KCNAB1: variants seen among roughly 807,000 people sequenced by gnomAD.
KCNAB1 encodes the protein voltage-gated potassium channel subunit beta-1.
A neutral mutation model predicts 64.6 loss-of-function variants in KCNAB1; 35 were observed. That is an observed-to-expected ratio of 0.54 (90% CI 0.41 to 0.72). KCNAB1 has a LOEUF of 0.72. KCNAB1 is among the 30% of genes least tolerant of loss of function. KCNAB1 has a pLI of 0.00. For missense variants in KCNAB1, 401 were observed against 512.9 expected (o/e 0.78, Z 2.11); for synonymous variants, 177 against 183.8 (o/e 0.96, Z 0.30).
At chr3:156,342,450 TTAGTCA>T in intron 1 of KCNAB1, among the ~76,000 whole-genome samples, 1 of 152,130 alleles carries the variant, frequency 6.6e-6, no homozygotes, top group African/African-American at 2.4e-5. Context: ...CAATACAAAG[TTAGTCA>T]GCCTGGCCAG....
chr3:156,360,081 T>C (rs1354215665), intron 1 of KCNAB1, among the ~76,000 whole-genome samples: 1 of 152,260 alleles, frequency 6.6e-6, no homozygotes, highest in African/African-American at 2.4e-5. Flanking sequence ...TCGGTTACTA[T>C]TCATTTCAAA....
At chr3:156,317,090 T>G (rs1722324188) in intron 1 of KCNAB1, among the ~76,000 whole-genome samples, 1 of 152,182 alleles carries the variant, frequency 6.6e-6, no homozygotes, top group Non-Finnish European at 1.5e-5. Flanking sequence ...TTTGGTGGTG[T>G]TTTTCAGTTT....
Position 156,287,746 on chromosome 3 carries a change from G to A in KCNAB1, c.276-133870G>A, listed in dbSNP as rs149001029. Among the ~76,000 whole-genome samples, 854 of 151,940 alleles carry A rather than the reference G, an allele frequency of 5.6e-3. 4 individuals carry two copies. In the Middle Eastern group the frequency reaches 0.058, roughly 10 times the overall value. ...GCAGGAGAATTGCCTGAACCCAGGA[G>A]GCAGAGGTTGCAGTGAGCCAACAGC... is the stretch of plus-strand genomic sequence containing the variant. On this transcript the variant is annotated intron_variant, in intron 1 of 13. Coordinates refer to ENST00000490337, the MANE Select transcript of KCNAB1 (RefSeq NM_172160.3).
chr3:156,482,329 T>G (rs941554039), intron 8 of KCNAB1, among the ~76,000 whole-genome samples: 33 of 152,068 alleles, frequency 2.2e-4, no homozygotes, highest in Admixed American at 2.1e-3. Context: ...TACTTACTAT[T>G]TAAGCACTGT....
intron 1 of KCNAB1, among the ~76,000 whole-genome samples, chr3:156,384,111 T>C (rs2108153876): frequency 6.6e-6 from 1 of 152,380 alleles, no homozygotes; most frequent in Non-Finnish European, 1.5e-5. Context: ...AAGGGTTGTA[T>C]AAAATTAGGC....
At chr3:156,329,971 A>T (rs1424138354) in intron 1 of KCNAB1, among the ~76,000 whole-genome samples, 4 of 152,228 alleles carry the variant, frequency 2.6e-5, no homozygotes, top group Non-Finnish European at 5.9e-5. Context: ...AGAGAAAGGA[A>T]TTCTGAATGA....
At chr3:156,138,080 T>C (rs1714474027) in intron 1 of KCNAB1, among the ~76,000 whole-genome samples, 1 of 152,238 alleles carries the variant, frequency 6.6e-6, no homozygotes, top group Non-Finnish European at 1.5e-5. Flanking sequence ...CAATGTTTTA[T>C]GCATTGTGTT....
At chr3:156,279,099 G>T (rs816548) in intron 1 of KCNAB1, among the ~76,000 whole-genome samples, 3 of 150,808 alleles carry the variant, frequency 2.0e-5, no homozygotes, top group Non-Finnish European at 3.0e-5. Flanking sequence ...TATATCTCCC[G>T]ATGCTATCCC....
intron 1 of KCNAB1, among the ~76,000 whole-genome samples, chr3:156,401,266 G>A (rs943349893): frequency 2.0e-5 from 3 of 152,104 alleles, no homozygotes; most frequent in Non-Finnish European, 4.4e-5. Flanking sequence ...CACATATATT[G>A]GGCCCTTTAT....
At chr3:156,249,728 CT>C (rs1198569334) in intron 1 of KCNAB1, among the ~76,000 whole-genome samples, 2 of 152,076 alleles carry the variant, frequency 1.3e-5, no homozygotes, top group African/African-American at 4.8e-5. Flanking sequence ...TCTATAAGAC[CT>C]TATACAATCT....
At chr3:156,264,761 A>C (rs948361409) in intron 1 of KCNAB1, among the ~76,000 whole-genome samples, 2 of 152,178 alleles carry the variant, frequency 1.3e-5, no homozygotes, top group African/African-American at 4.8e-5. Context: ...TTATTTATTC[A>C]TGCAATGGTA....
intron 1 of KCNAB1, among the ~76,000 whole-genome samples, chr3:156,279,658 T>C (rs890983624): frequency 1.3e-5 from 2 of 152,200 alleles, no homozygotes; most frequent in Non-Finnish European, 2.9e-5. Context: ...TGATTGCCAT[T>C]CTAACTGGTG....
At chr3:156,427,517 G>A (rs181960415) in intron 2 of KCNAB1, among the ~76,000 whole-genome samples, 54 of 152,300 alleles carry the variant, frequency 3.5e-4, no homozygotes, top group African/African-American at 1.2e-3. Flanking sequence ...GCTAGTAGCA[G>A]GTATTCAAAA....
At chr3:156,532,950 AGAACAG>A (rs1255748985) in intron 13 of KCNAB1, among the ~76,000 whole-genome samples, 1 of 152,236 alleles carries the variant, frequency 6.6e-6, no homozygotes, top group Non-Finnish European at 1.5e-5. Flanking sequence ...GAGATGAGTA[AGAACAG>A]GACCTGGCCT....
rs562087724 is a variant in KCNAB1, at chr3:156,446,029, C to T, written c.320-6870C>T. Reference sequence around the variant, plus strand: ...AATGATGTAGCAAGACATACTTTAACTCACCAGGGGAAGTGCTAAGAAACT... The same window carrying T: ...AATGATGTAGCAAGACATACTTTAATTCACCAGGGGAAGTGCTAAGAAACT... On this transcript the variant is annotated intron_variant, in intron 2 of 13. Coordinates refer to ENST00000490337, the MANE Select transcript of KCNAB1 (RefSeq NM_172160.3). The T allele has an allele frequency of 2.0e-5, 3 of 152,326 alleles. No individual in the cohort carries two copies. The South Asian group carries it at 6.2e-4, about 32-fold the overall frequency. 9.4% of individuals were successfully genotyped at this position (152,326 alleles called of 1,614,324 possible). A position where few individuals can be genotyped will look rare whatever the true frequency, so the allele number is the denominator to read the frequency against.
At chr3:156,521,124 T>G (rs1021506242) in intron 11 of KCNAB1, among the ~76,000 whole-genome samples, 1 of 152,222 alleles carries the variant, frequency 6.6e-6, no homozygotes, top group Non-Finnish European at 1.5e-5. Context: ...AGAGCAAAGC[T>G]CATTCAATTG....
intron 2 of KCNAB1, among the ~76,000 whole-genome samples, chr3:156,442,510 T>G (rs1259913969): frequency 6.6e-6 from 1 of 152,194 alleles, no homozygotes; most frequent in Admixed American, 6.5e-5. Context: ...CTGAAATACA[T>G]AAACCTTAAA....
chr3:156,143,569 G>GTTTTTTTGT (rs1553807970), intron 1 of KCNAB1: 44 of 297,026 alleles, frequency 1.5e-4, no homozygotes, highest in South Asian at 1.5e-4. Context: ...TTGCATTCTT[G>GTTTTTTTGT]TTTTTTTTTT....
chr3:156,358,935 A>G (rs1576769933), intron 1 of KCNAB1, among the ~76,000 whole-genome samples: 1 of 152,260 alleles, frequency 6.6e-6, no homozygotes, highest in Non-Finnish European at 1.5e-5. Context: ...AGAGAACTGT[A>G]TAACTACTAT....
Sources: allele counts gnomAD v4.1 joint callset (sites outside exome capture counted in the v4.1 genomes callset), GRCh38; gene constraint gnomAD v4.1.1; transcripts MANE v1.5; gene names NCBI Gene and HGNC (gene_info 2026-07-23, HGNC 2026-07-21).